Variants in TMC3 observed in about 807,000 individuals in gnomAD.
TMC3 encodes the protein transmembrane channel-like protein 3.
TMC3 carries 98 observed loss-of-function variants against 110.6 expected under a neutral mutation model. The ratio of observed to expected loss-of-function variants is 0.89; its 90% CI spans 0.75 to 1.05. The LOEUF (loss-of-function observed/expected upper bound fraction) is 1.05. Among genes scored for constraint, TMC3 ranks in the 50% least tolerant of loss-of-function variants. The pLI, the probability that TMC3 is intolerant of heterozygous loss-of-function variation, is 0.00. For synonymous variants in TMC3, 489 were observed against 513.1 expected (o/e 0.95, Z 0.63); for missense variants, 1,319 against 1,373.2 (o/e 0.96, Z 0.62).
At chr15:81,372,946 T>A (rs1894471444) in intron 1 of TMC3, among the ~76,000 whole-genome samples, 1 of 151,982 alleles carries the variant, frequency 6.6e-6, no homozygotes, top group Non-Finnish European at 1.5e-5. Context: ...GTCAGTAGCC[T>A]GTTGAAACAC....
intron 3 of TMC3, among the ~76,000 whole-genome samples, chr15:81,363,128 G>A (rs755732014): frequency 1.3e-5 from 2 of 151,982 alleles, no homozygotes; most frequent in African/African-American, 2.4e-5. Context: ...GGTGGCGTGC[G>A]CCTGTGGACC....
intron 3 of TMC3, among the ~76,000 whole-genome samples, chr15:81,364,583 G>A (rs1894263425): frequency 6.6e-6 from 1 of 150,496 alleles, no homozygotes; most frequent in Non-Finnish European, 1.5e-5. Flanking sequence ...CCTAATGCTA[G>A]ATGACACGTT....
chr15:81,342,300 T>C (rs1052999671), intron 15 of TMC3, among the ~76,000 whole-genome samples: 6 of 152,242 alleles, frequency 3.9e-5, no homozygotes, highest in Non-Finnish European at 1.5e-5. Context: ...CATAAGAGTA[T>C]GTTTCCTAAG....
intron 14 of TMC3, 113 bp downstream of exon 14, chr15:81,343,804 A>C: frequency 8.6e-7 from 1 of 1,169,128 alleles, no homozygotes; most frequent in East Asian, 2.6e-5. Context: ...TCCCACTTGT[A>C]TTCTCTTTCC....
chr15:81,368,840 T>G (rs1271855460), intron 2 of TMC3, among the ~76,000 whole-genome samples: 1 of 152,224 alleles, frequency 6.6e-6, no homozygotes, highest in Non-Finnish European at 1.5e-5. Flanking sequence ...CAAACAAACT[T>G]CTAACACACT....
chr15:81,362,318 A>G lies in TMC3; in HGVS notation c.313-17T>C. 6.2e-7 allele frequency: 1 copy of G among 1,601,604 alleles called. No individual in the cohort carries two copies. Among genetic ancestry groups the G allele is most frequent in the South Asian group, 1.1e-5 (1 of 89,362 alleles). On this transcript the variant is annotated splice_polypyrimidine_tract_variant and intron_variant, in intron 3 of 21. Coordinates refer to ENST00000359440, the MANE Select transcript of TMC3 (RefSeq NM_001080532.3). ...CCGCCAGAGCTAGACAAGAGGGGTC[A>G]GGATTAGAGAGGTCACGTACATGAA... is the stretch of plus-strand genomic sequence containing the variant.
intron 15 of TMC3, 178 bp from the exon 16 acceptor site, chr15:81,341,696 C>T (rs185250069): frequency 4.0e-6 from 2 of 499,452 alleles, no homozygotes; most frequent in Admixed American, 7.0e-5. Context: ...AAAGATAAGA[C>T]AAGTCACTGA....
At chr15:81,357,679 C>A (rs1262761089) in intron 7 of TMC3, among the ~76,000 whole-genome samples, 1 of 152,166 alleles carries the variant, frequency 6.6e-6, no homozygotes, top group Admixed American at 6.5e-5. Flanking sequence ...ACAAGCCTGG[C>A]CTTTGCAGAA....
rs1893465933 is a variant in TMC3, at chr15:81,331,747, C to G, written c.*672G>C. On this transcript the variant is annotated 3_prime_UTR_variant, in exon 22 of 22. Coordinates refer to ENST00000359440, the MANE Select transcript of TMC3 (RefSeq NM_001080532.3). ...CAGGAGTTGGGCGAGTGGGCTCAAA[C>G]ATGCGCACTAAGAGACAAAATGGAG... 1 of 152,202 alleles carries G rather than the reference C, an allele frequency of 6.6e-6. No homozygotes were observed. Among genetic ancestry groups the G allele is most frequent in the African/African-American group, 2.4e-5 (1 of 41,440 alleles). The allele number at this position is 152,202 out of a possible 1,614,324, so 9.4% of individuals were successfully genotyped here. A position where few individuals can be genotyped will look rare whatever the true frequency, so the allele number is the denominator to read the frequency against.
rs1453320691 is a variant in TMC3, at chr15:81,332,051, T to C, written c.*368A>G. On this transcript the variant is annotated 3_prime_UTR_variant, in exon 22 of 22. Transcript: ENST00000359440. ...ATGTTTTACGTTCTTTCATTCCTGC[T>C]TTAAAGCTTTTCAGTAAACTTTCAT... 4.1e-5 allele frequency: 8 copies of C among 194,544 alleles called. No individual in the cohort carries two copies. The East Asian group carries it at 9.4e-4, about 23-fold the overall frequency. The allele number at this position is 194,544 out of a possible 1,614,324, so 12.1% of individuals were successfully genotyped here.
Position 81,372,586 on chromosome 15 carries a change from C to G in TMC3, c.236+5G>C. ...ATGATCAATAATGGCCATTGAGGCC[C>G]TTACCTCAATGCCCTCAGCTTCTGT... On this transcript the variant is annotated splice_donor_5th_base_variant and intron_variant, in intron 2 of 21. Transcript: ENST00000359440. 6.2e-7 allele frequency: 1 copy of G among 1,613,144 alleles called. No individual in the cohort carries two copies. The highest frequency in any genetic ancestry group is 1.7e-5 in the Admixed American group (1 of 60,018).
chr15:81,349,435 A>G, intron 11 of TMC3, 23 bp downstream of exon 11: 1 of 1,420,300 alleles, frequency 7.0e-7, no homozygotes, highest in East Asian at 2.7e-5. Flanking sequence ...CACAGGTGGC[A>G]TTTCTGGGCA....
chr15:81,364,806 T>G (rs1894274064), intron 3 of TMC3, among the ~76,000 whole-genome samples: 1 of 151,966 alleles, frequency 6.6e-6, no homozygotes, highest in Non-Finnish European at 1.5e-5. Flanking sequence ...TCACAGTCAC[T>G]TCAGAGTGAT....
At position 81,345,297 on chromosome 15, in the gene TMC3, C is replaced by T. The variant is rs111422281; in HGVS notation, c.1273-286G>A. Among the ~76,000 whole-genome samples the T allele has an allele frequency of 4.5e-3, 669 of 148,624 alleles. 2 individuals are homozygous for T. Among genetic ancestry groups the T allele is most frequent in the Middle Eastern group, 0.014 (4 of 290 alleles). ...TTATCCTCACAAGAGCTTTAGATAACGATTATTACCTCATGTTCAGATGAG... is the reference window on the plus strand; with the variant it reads ...TTATCCTCACAAGAGCTTTAGATAATGATTATTACCTCATGTTCAGATGAG... On this transcript the variant is annotated intron_variant, in intron 12 of 21. Transcript: ENST00000359440.
chr15:81,373,619 T>G (rs1894485113), intron 1 of TMC3, among the ~76,000 whole-genome samples: 1 of 152,204 alleles, frequency 6.6e-6, no homozygotes, highest in Non-Finnish European at 1.5e-5. Flanking sequence ...GCCTGAAGGC[T>G]TTTCCAATAA....
At chr15:81,354,593 G>C (rs1018551274) in intron 9 of TMC3, among the ~76,000 whole-genome samples, 9 of 152,112 alleles carry the variant, frequency 5.9e-5, no homozygotes, top group Admixed American at 5.9e-4. Flanking sequence ...CAGCGGGTAC[G>C]AGCAAGGGGT....
intron 3 of TMC3, 31 bp downstream of exon 3, chr15:81,368,222 C>T (rs771937174): frequency 1.0e-5 from 16 of 1,578,540 alleles, no homozygotes; most frequent in African/African-American, 5.4e-5. Flanking sequence ...TGTGAGCCAC[C>T]GCGCCCAGCC....
chr15:81,369,004 AG>A (rs1451022218), intron 2 of TMC3, among the ~76,000 whole-genome samples: 1 of 152,168 alleles, frequency 6.6e-6, no homozygotes, highest in Admixed American at 6.5e-5. Flanking sequence ...ACTGAAGTCA[AG>A]GGCTCTTAGA....
Position 81,333,123 on chromosome 15 carries a change from G to T in TMC3, c.2599C>A (p.His867Asn). ...AAAGTCGAGGCCTGTGGTCCACGGT[G>T]AGGAGGGTTGATTTGCTGAAAGTCT... ...RKDFQQINPPHRGPQASTLLA... is the reference protein window; with the variant it reads ...RKDFQQINPPNRGPQASTLLA... Residue 867 changes from histidine (H) to asparagine (N), a missense_variant, in exon 22 of 22, where the codon CAC (histidine) becomes AAC (asparagine). His to Asn is a moderately conservative substitution (Grantham distance 68). Transcript: ENST00000359440. The T allele has an allele frequency of 6.2e-7, 1 of 1,614,064 alleles. No individual in the cohort carries two copies. The highest frequency in any genetic ancestry group is 8.5e-7 in the Non-Finnish European group (1 of 1,179,898).
Sources: allele counts gnomAD v4.1 joint callset (sites outside exome capture counted in the v4.1 genomes callset), GRCh38; gene constraint gnomAD v4.1.1; transcripts MANE v1.5; gene names NCBI Gene and HGNC (gene_info 2026-07-23, HGNC 2026-07-21).